ANKS1A: variants seen among roughly 807,000 people sequenced by gnomAD.
ANKS1A encodes the protein ankyrin repeat and SAM domain-containing protein 1A.
A neutral mutation model predicts 120.3 loss-of-function variants in ANKS1A; 55 were observed. The ratio of observed to expected loss-of-function variants is 0.46; its 90% CI spans 0.37 to 0.57. The LOEUF is 0.57. Among genes scored for constraint, ANKS1A ranks in the 20% least tolerant of loss-of-function variants. The probability of loss-of-function intolerance (pLI) is 0.00; values close to 1 mark genes in which losing one functional copy is unlikely to be tolerated. For synonymous variants in ANKS1A, 590 were observed against 604.7 expected, an observed-to-expected ratio of 0.98 and a Z score of 0.36; for missense variants, 1,123 against 1,480.3, an observed-to-expected ratio of 0.76 and a Z score of 3.96.
At chr6:34,944,243 A>G (rs1487872106) in intron 1 of ANKS1A, among the ~76,000 whole-genome samples, 1 of 151,998 alleles carries the variant, frequency 6.6e-6, no homozygotes, top group East Asian at 1.9e-4. Flanking sequence ...ATGCTACTGC[A>G]CTCCAGCCTG....
At chr6:34,905,239 A>C (rs570105047) in intron 1 of ANKS1A, among the ~76,000 whole-genome samples, 1 of 152,210 alleles carries the variant, frequency 6.6e-6, no homozygotes, top group East Asian at 1.9e-4. Flanking sequence ...TTACCACATC[A>C]TGCTCACCAC....
chr6:35,079,678 C>T lies in ANKS1A; in HGVS notation c.2436+10C>T. 2 of 1,614,070 alleles carry T rather than the reference C, an allele frequency of 1.2e-6. No homozygotes were observed. Among genetic ancestry groups the T allele is most frequent in the Non-Finnish European group, 8.5e-7 (1 of 1,179,988 alleles). ...GCTAGAGCTCGTCAATGTGAGTAGT[C>T]CCTGCGTGGCCCGGCCTGGACTCTC... On this transcript the variant is annotated intron_variant, in intron 15 of 23. Coordinates refer to ENST00000360359, the MANE Select transcript of ANKS1A (RefSeq NM_015245.3).
chr6:34,986,845 A>G (rs1772231358), intron 8 of ANKS1A, among the ~76,000 whole-genome samples: 1 of 152,232 alleles, frequency 6.6e-6, no homozygotes, highest in South Asian at 2.1e-4. Context: ...ACAGCTAGTT[A>G]TTTCACTTAT....
chr6:35,065,293 C>G (rs766768589), intron 13 of ANKS1A, among the ~76,000 whole-genome samples: 1 of 152,152 alleles, frequency 6.6e-6, no homozygotes, highest in Non-Finnish European at 1.5e-5. Context: ...TCTGACTGCC[C>G]CAGGTACTGC....
chr6:35,097,688 C>T, the ANKS1A span, among the ~76,000 whole-genome samples: 19 of 148,880 alleles, frequency 1.3e-4, no homozygotes, highest in Middle Eastern at 3.5e-3. Context: ...AGCCAAAATG[C>T]TTGCCCATCC....
chr6:35,043,472 C>CACA (rs1353276669), intron 11 of ANKS1A, among the ~76,000 whole-genome samples: 4 of 152,190 alleles, frequency 2.6e-5, no homozygotes, highest in Non-Finnish European at 1.5e-5. Flanking sequence ...GAGAGGGGTT[C>CACA]TGTGTCTCTG....
At position 35,067,651 on chromosome 6, in the gene ANKS1A, G is replaced by C. The variant is rs1776845541; in HGVS notation, c.2184+7398G>C. On this transcript the variant is annotated intron_variant, in intron 13 of 23. Transcript: ENST00000360359. ...TTAAAGAAACAGGTGGCAAGTGGTG[G>C]GGAAAAAAAAGAAAAACTGTCTGCA... Among the ~76,000 whole-genome samples, 3 of 151,890 alleles carry C rather than the reference G, an allele frequency of 2.0e-5. No homozygotes were observed. The South Asian group carries it at 6.2e-4, about 31-fold the overall frequency.
chr6:35,029,138 C>T (rs1476427260), intron 11 of ANKS1A, among the ~76,000 whole-genome samples: 1 of 151,434 alleles, frequency 6.6e-6, no homozygotes, highest in Non-Finnish European at 1.5e-5. Context: ...ACACTACTTT[C>T]TATATTCCTT....
intron 9 of ANKS1A, among the ~76,000 whole-genome samples, chr6:34,991,218 C>G (rs1374057176): frequency 1.3e-5 from 2 of 152,074 alleles, no homozygotes; most frequent in East Asian, 3.8e-4. Flanking sequence ...ATACCTAGCT[C>G]TAGGAGTGCT....
At position 34,982,891 on chromosome 6, in the gene ANKS1A, C is replaced by T. The variant is rs562397230; in HGVS notation, c.808+64C>T. ...AGGGTTGGGATTGTTTCTCCCTAGT[C>T]CCCTAGGGGGATTTTTGCTGGCTGT... On this transcript the variant is annotated intron_variant, in intron 5 of 23. Transcript: ENST00000360359. This position sits in a 1 kb window ranked among gnomAD's most constrained non-coding sequence, Gnocchi z 4.9. The T allele has an allele frequency of 1.3e-6, 2 of 1,581,774 alleles. No individual in the cohort carries two copies. The highest frequency in any genetic ancestry group is 2.2e-5 in the South Asian group (2 of 90,396).
chr6:35,091,736 A>G (rs1405627081), downstream of ANKS1A, among the ~76,000 whole-genome samples: 5 of 152,224 alleles, frequency 3.3e-5, no homozygotes, highest in South Asian at 1.0e-3. Context: ...ACCCATAGAC[A>G]TGAACCGAAC....
rs1327149932 is a variant in ANKS1A at position 35,017,528 on chromosome 6, G to C, written c.1479G>C (p.Gly493=). 6.2e-7 allele frequency: 1 copy of C among 1,613,836 alleles called. No individual in the cohort carries two copies. ...AGGACTCTGCGGAGGGGCAGGACGG[G>C]CAGGTCCCAGAGCAGTTCTCAGGCC... ...RSQDSAEGQD[G]QVPEQFSGLL... The change falls in exon 11 of 24, where the codon GGG becomes GGC. Residue 493 remains glycine, a synonymous_variant. Transcript: ENST00000360359.
chr6:35,080,843 T>C (rs767531243), intron 16 of ANKS1A, 151 bp from the exon 17 acceptor site: 1 of 894,344 alleles, frequency 1.1e-6, no homozygotes, highest in Non-Finnish European at 1.7e-6. Flanking sequence ...GTGCCACCTG[T>C]CTGACACCCC....
chr6:35,089,658 G>A lies in ANKS1A; in HGVS notation c.*1049G>A, dbSNP rs1027923077. On this transcript the variant is annotated 3_prime_UTR_variant, in exon 24 of 24. Transcript: ENST00000360359. Reference sequence around the variant, plus strand: ...AGGCTAAATAAGGTGACAGTGCATCGATGCTCCCCCGCGTGGCCTTTGGGG... The same window carrying A: ...AGGCTAAATAAGGTGACAGTGCATCAATGCTCCCCCGCGTGGCCTTTGGGG... 19 of 988,786 alleles carry A rather than the reference G, an allele frequency of 1.9e-5. No individual in the cohort carries two copies. The highest frequency in any genetic ancestry group is 3.5e-5 in the African/African-American group (2 of 57,268). 61.3% of individuals were successfully genotyped at this position (988,786 alleles called of 1,614,324 possible). A position where few individuals can be genotyped will look rare whatever the true frequency, so the allele number is the denominator to read the frequency against.
At chr6:35,000,900 T>C (rs1773133331) in intron 10 of ANKS1A, among the ~76,000 whole-genome samples, 2 of 152,172 alleles carry the variant, frequency 1.3e-5, no homozygotes, top group Admixed American at 1.3e-4. Context: ...AAATTCTGTG[T>C]GTAAACATGT....
intron 9 of ANKS1A, among the ~76,000 whole-genome samples, chr6:34,993,877 T>C (rs1437016922): frequency 1.3e-5 from 2 of 152,240 alleles, no homozygotes; most frequent in African/African-American, 4.8e-5. Flanking sequence ...TGCAGAACAC[T>C]GTAGGCATGG....
At chr6:34,969,638 A>AG (rs1327871205) in intron 2 of ANKS1A, among the ~76,000 whole-genome samples, 5 of 152,180 alleles carry the variant, frequency 3.3e-5, no homozygotes, top group Non-Finnish European at 7.3e-5. Flanking sequence ...GAATAATAAT[A>AG]TTTGTCTTGT....
Position 34,981,698 on chromosome 6 carries a change from C to T in ANKS1A, c.444C>T (p.Asp148=). 1 of 1,613,966 alleles carries T rather than the reference C, an allele frequency of 6.2e-7. No homozygotes were observed. Among genetic ancestry groups the T allele is most frequent in the South Asian group, 1.1e-5 (1 of 91,064 alleles). The change falls in exon 4 of 24, where the codon GAC becomes GAT. Residue 148 remains aspartate (D), a synonymous_variant. Coordinates refer to ENST00000360359, the MANE Select transcript of ANKS1A (RefSeq NM_015245.3). ...GCTTGTTAACCCTTTAGAACAATGA[C>T]AACGAGACAGCCCTGCATTGTGCAG... ...SHTRVNEQNN[D]NETALHCAAQ... is the part of the protein sequence containing the mutation.
At chr6:35,078,917 G>A (rs1490277163) in intron 14 of ANKS1A, among the ~76,000 whole-genome samples, 1 of 152,218 alleles carries the variant, frequency 6.6e-6, no homozygotes, top group Non-Finnish European at 1.5e-5. Context: ...GGTTCTGGGG[G>A]TCTGCCTGGC....
Sources: allele counts gnomAD v4.1 joint callset (sites outside exome capture counted in the v4.1 genomes callset), GRCh38; gene constraint gnomAD v4.1.1; non-coding constraint Gnocchi (gnomAD v3.1); transcripts MANE v1.5; gene names NCBI Gene and HGNC (gene_info 2026-07-23, HGNC 2026-07-21).